AMOTL1: variants seen among roughly 807,000 people sequenced by gnomAD.
AMOTL1 encodes angiomotin-like protein 1.
Under a neutral mutation model 102.9 loss-of-function variants are expected in AMOTL1, and 45 were observed. The ratio of observed to expected loss-of-function variants is 0.44; its 90% confidence interval spans 0.34 to 0.56. The LOEUF (loss-of-function observed/expected upper bound fraction) is 0.56, where lower values mean the gene tolerates loss of function less well. AMOTL1 is among the 20% of genes least tolerant of loss of function. AMOTL1 has a pLI of 0.01. For missense variants in AMOTL1, 1,114 were observed against 1,225.6 expected, an observed-to-expected ratio of 0.91 and a Z score of 1.36; for synonymous variants, 481 against 484.7, an observed-to-expected ratio of 0.99 and a Z score of 0.10.
At chr11:94,778,136 G>C (rs569099462) in intron 1 of AMOTL1, among the ~76,000 whole-genome samples, 2 of 152,312 alleles carry the variant, frequency 1.3e-5, no homozygotes, top group South Asian at 4.1e-4. Context: ...TTTGAAATGA[G>C]CTTAAATCAC....
chr11:94,739,573 T>G (rs568868235), intron 2 of AMOTL1, among the ~76,000 whole-genome samples: 1 of 152,232 alleles, frequency 6.6e-6, no homozygotes, highest in Admixed American at 6.5e-5. Context: ...ATCGGGGCCC[T>G]TAGGCTGCTG....
intron 1 of AMOTL1, among the ~76,000 whole-genome samples, chr11:94,794,001 T>G (rs1951325294): frequency 6.6e-6 from 1 of 152,206 alleles, no homozygotes; most frequent in African/African-American, 2.4e-5. Flanking sequence ...TATGGTCGTT[T>G]GGTATCAATA....
At chr11:94,815,354 A>C (rs1158875241) in intron 3 of AMOTL1, among the ~76,000 whole-genome samples, 1 of 152,118 alleles carries the variant, frequency 6.6e-6, no homozygotes, top group Admixed American at 6.5e-5. Flanking sequence ...AAACAAACAA[A>C]AAAAAAATTT....
chr11:94,740,900 A>C, intron 2 of AMOTL1: 1 of 1,286,844 alleles, frequency 7.8e-7, no homozygotes, highest in Non-Finnish European at 1.0e-6. Context: ...CCTGAATGGT[A>C]GCGATTCGAG....
chr11:94,787,226 T>C (rs978068013), intron 1 of AMOTL1, among the ~76,000 whole-genome samples: 1 of 152,102 alleles, frequency 6.6e-6, no homozygotes, highest in African/African-American at 2.4e-5. Flanking sequence ...ATAATTAGTA[T>C]ATATTTTAGC....
intron 2 of AMOTL1, among the ~76,000 whole-genome samples, chr11:94,738,304 C>G (rs532686335): frequency 6.7e-5 from 10 of 149,280 alleles, no homozygotes; most frequent in Admixed American, 5.5e-4. Context: ...GTCACCCAGG[C>G]TGGACTGCAA....
chr11:94,841,618 A>T (rs1952304321), intron 6 of AMOTL1, among the ~76,000 whole-genome samples: 1 of 152,236 alleles, frequency 6.6e-6, no homozygotes, highest in Non-Finnish European at 1.5e-5. Context: ...TTAATTCATT[A>T]TCTAGTTTAT....
intron 6 of AMOTL1, among the ~76,000 whole-genome samples, chr11:94,849,655 T>C (rs1026702863): frequency 2.0e-5 from 3 of 152,226 alleles, no homozygotes; most frequent in African/African-American, 7.2e-5. Flanking sequence ...CCCTCTGCTG[T>C]CTAGCCTCAG....
intron 1 of AMOTL1, among the ~76,000 whole-genome samples, chr11:94,783,931 T>G (rs538302751): frequency 1.6e-4 from 25 of 152,258 alleles, no homozygotes; most frequent in African/African-American, 4.3e-4. Flanking sequence ...GTTTTGTTTT[T>G]TTTTTTCTGT....
At chr11:94,866,243 G>A (rs1451175290) in intron 11 of AMOTL1, 75 bp downstream of exon 11, 15 of 1,408,536 alleles carry the variant, frequency 1.1e-5, no homozygotes, top group East Asian at 2.4e-5. Context: ...CATGGGACAC[G>A]GAAATGTCCC....
intron 1 of AMOTL1, among the ~76,000 whole-genome samples, chr11:94,769,912 C>T (rs1051090992): frequency 2.0e-5 from 3 of 152,194 alleles, no homozygotes; most frequent in Non-Finnish European, 4.4e-5. Context: ...CTCGAAGATG[C>T]TTTCGGCTAA....
intron 7 of AMOTL1, among the ~76,000 whole-genome samples, chr11:94,853,074 A>G (rs1952578968): frequency 6.6e-6 from 1 of 152,196 alleles, no homozygotes; most frequent in Non-Finnish European, 1.5e-5. Context: ...TTCACTTGAC[A>G]TTATAGAATA....
At chr11:94,761,193 C>CTT (rs57096553) in intron 3 of AMOTL1, among the ~76,000 whole-genome samples, 2 of 136,992 alleles carry the variant, frequency 1.5e-5, no homozygotes, top group Non-Finnish European at 1.6e-5. Context: ...TTTTTCTTTT[C>CTT]TTTTTTTTTT....
chr11:94,851,019 G>C (rs1952526623), intron 7 of AMOTL1, among the ~76,000 whole-genome samples: 1 of 152,190 alleles, frequency 6.6e-6, no homozygotes, highest in South Asian at 2.1e-4. Context: ...GGATAAAGCA[G>C]CTGAAGAGGA....
chr11:94,795,799 A>G (rs1951356088), intron 2 of AMOTL1, among the ~76,000 whole-genome samples: 1 of 152,236 alleles, frequency 6.6e-6, no homozygotes, highest in South Asian at 2.1e-4. Flanking sequence ...CTTTGGAAAT[A>G]TATTTTGATT....
rs1952733808 is a variant in AMOTL1 at position 94,859,594 on chromosome 11, G to A, written c.2014G>A (p.Glu672Lys). 6.2e-7 allele frequency: 1 copy of A among 1,613,954 alleles called. No individual in the cohort carries two copies. Among genetic ancestry groups the A allele is most frequent in the Non-Finnish European group, 8.5e-7 (1 of 1,179,874 alleles). ...CCCAGCCCTCCTGGAACTTGTGCGG[G>A]AGAAGGAGGAGCGGATCCTGGCCCT... ...NAPALLELVREKEERILALEA... is the reference protein window; with the variant it reads ...NAPALLELVRKKEERILALEA... The change falls in exon 9 of 13, where the codon GAG becomes AAG. Residue 672 changes from glutamate to lysine, a missense_variant. Glu to Lys is a moderately conservative substitution (Grantham distance 56). Transcript: ENST00000433060.
chr11:94,757,735 A>G (rs957574989), intron 3 of AMOTL1, among the ~76,000 whole-genome samples: 1 of 152,176 alleles, frequency 6.6e-6, no homozygotes, highest in African/African-American at 2.4e-5. Flanking sequence ...GTCAAGAAAC[A>G]TCTTTCTTGT....
chr11:94,740,038 G>T (rs1296743622), intron 2 of AMOTL1, among the ~76,000 whole-genome samples: 2 of 152,122 alleles, frequency 1.3e-5, no homozygotes, highest in East Asian at 1.9e-4. Flanking sequence ...CTACCATAAT[G>T]ATGTCACGCA....
At chr11:94,795,868 G>T (rs1484827289) in intron 2 of AMOTL1, among the ~76,000 whole-genome samples, 2 of 152,050 alleles carry the variant, frequency 1.3e-5, no homozygotes, top group African/African-American at 2.4e-5. Context: ...GAATGTGCTT[G>T]TTCCATTAAG....
Sources: allele counts gnomAD v4.1 joint callset (sites outside exome capture counted in the v4.1 genomes callset), GRCh38; gene constraint gnomAD v4.1.1; transcripts MANE v1.5; gene names NCBI Gene and HGNC (gene_info 2026-07-23, HGNC 2026-07-21).